ZDHHC2: variants seen among roughly 807,000 people sequenced by gnomAD.
The protein encoded by ZDHHC2 is zDHHC palmitoyltransferase 2.
ZDHHC2 carries 51 observed loss-of-function variants against 55.6 expected under a neutral mutation model. That is an observed-to-expected ratio of 0.92 (90% CI 0.73 to 1.16). The LOEUF (loss-of-function observed/expected upper bound fraction) is 1.16, where lower values mean the gene tolerates loss of function less well. Ranked by LOEUF, ZDHHC2 falls within the 50% of genes most tolerant of loss-of-function variation. ZDHHC2 has a pLI of 0.00. For missense variants in ZDHHC2, 491 were observed against 442.4 expected, an observed-to-expected ratio of 1.11 and a Z score of -0.99; for synonymous variants, 199 against 152.9, an observed-to-expected ratio of 1.30 and a Z score of -2.22.
At chr8:17,198,827 A>G (rs1056258987) in intron 6 of ZDHHC2, among the ~76,000 whole-genome samples, 1 of 152,252 alleles carries the variant, frequency 6.6e-6, no homozygotes, top group Non-Finnish European at 1.5e-5. Context: ...AGAATTTGAC[A>G]TTAAGGAGTA....
chr8:17,213,712 A>G (rs1248908616), intron 10 of ZDHHC2, among the ~76,000 whole-genome samples: 1 of 152,192 alleles, frequency 6.6e-6, no homozygotes, highest in African/African-American at 2.4e-5. Context: ...TGTTCAGTGA[A>G]TGGATTCTTG....
In ZDHHC2 at chr8:17,208,054, A is replaced by G. The variant is rs1585732000; in HGVS notation, c.692A>G (p.Tyr231Cys). The G allele has an allele frequency of 1.3e-6, 2 of 1,589,468 alleles. No homozygotes were observed. The highest frequency in any genetic ancestry group is 2.3e-5 in the East Asian group (1 of 44,114). ...FSVSLSSLFGYHCWLVSKNKS... is the reference protein window; with the variant it reads ...FSVSLSSLFGCHCWLVSKNKS... ...GTCAGCTTGTCTTCTCTGTTTGGCTATCATTGTTGGCTAGTCAGCAAAAAT... is the reference window on the plus strand; with the variant it reads ...GTCAGCTTGTCTTCTCTGTTTGGCTGTCATTGTTGGCTAGTCAGCAAAAAT... Residue 231 changes from tyrosine to cysteine, a missense_variant, in exon 8 of 13, where the codon TAT becomes TGT. Transcript: ENST00000262096.
At chr8:17,180,047 C>A (rs1457480425) in intron 1 of ZDHHC2, among the ~76,000 whole-genome samples, 1 of 152,158 alleles carries the variant, frequency 6.6e-6, no homozygotes, top group African/African-American at 2.4e-5. Context: ...ATGAATGGTG[C>A]CATCCACCAG....
chr8:17,215,786 G>C (rs7816865), intron 11 of ZDHHC2, among the ~76,000 whole-genome samples: 70,993 of 152,026 alleles, frequency 0.47, 18,832 homozygotes, highest in East Asian at 0.77. Context: ...TGTACCATAA[G>C]TTCAGCTGCC....
In ZDHHC2 at chr8:17,222,157, T is replaced by A. The variant is rs1807950945; in HGVS notation, c.*1936T>A. On this transcript the variant is annotated 3_prime_UTR_variant, in exon 13 of 13. Transcript: ENST00000262096. ...TCCCACAGTCTTTTATATAATTAAA[T>A]ATATGTCAATACACATTAGAATCAG... 1 of 151,692 alleles carries A rather than the reference T, an allele frequency of 6.6e-6. No individual in the cohort carries two copies. Among genetic ancestry groups the A allele is most frequent in the Non-Finnish European group, 1.5e-5 (1 of 67,748 alleles). The allele number at this position is 151,692 out of a possible 1,614,324, so 9.4% of individuals were successfully genotyped here.
At chr8:17,208,677 T>A (rs184085501) in intron 8 of ZDHHC2, among the ~76,000 whole-genome samples, 1 of 152,252 alleles carries the variant, frequency 6.6e-6, no homozygotes, top group African/African-American at 2.4e-5. Flanking sequence ...AAATGAAACA[T>A]TATGGAATTC....
At chr8:17,197,709 T>C in intron 5 of ZDHHC2, 58 bp downstream of exon 5, 11 of 1,504,332 alleles carry the variant, frequency 7.3e-6, no homozygotes, top group Non-Finnish European at 9.2e-6. Context: ...TTCTTCATTA[T>C]GTTTCTTTTC....
At chr8:17,219,135 A>G (rs1010119759) in intron 12 of ZDHHC2, among the ~76,000 whole-genome samples, 1 of 151,506 alleles carries the variant, frequency 6.6e-6, no homozygotes, top group African/African-American at 2.4e-5. Flanking sequence ...CTGTAATCCC[A>G]CCTACTCAGG....
chr8:17,174,777 C>T (rs538445786), intron 1 of ZDHHC2, among the ~76,000 whole-genome samples: 19 of 140,518 alleles, frequency 1.4e-4, no homozygotes, highest in African/African-American at 5.0e-4. Context: ...GTGGCACTAT[C>T]TCAGCTCACT....
intron 1 of ZDHHC2, among the ~76,000 whole-genome samples, chr8:17,178,794 C>T (rs1408972697): frequency 1.3e-5 from 2 of 152,164 alleles, no homozygotes; most frequent in Admixed American, 1.3e-4. Flanking sequence ...TTGACAGTCT[C>T]ACTCTTTAAC....
In ZDHHC2 at chr8:17,223,590, T is replaced by C. The variant is rs1808005711; in HGVS notation, c.*3369T>C. The C allele has an allele frequency of 1.3e-5, 2 of 151,876 alleles. No individual in the cohort carries two copies. Among genetic ancestry groups the C allele is most frequent in the South Asian group, 4.1e-4 (2 of 4,828 alleles). 9.4% of individuals were successfully genotyped at this position (151,876 alleles called of 1,614,324 possible). A position where few individuals can be genotyped will look rare whatever the true frequency, so the allele number is the denominator to read the frequency against. On this transcript the variant is annotated 3_prime_UTR_variant, in exon 13 of 13. Coordinates refer to ENST00000262096, the MANE Select transcript of ZDHHC2 (RefSeq NM_016353.5). ...ATGTTACATACCTGAAGTATTACTC[T>C]TTTACAAAGATACCATTAGAATTTT...
At chr8:17,172,756 T>A (rs1804924253) in intron 1 of ZDHHC2, among the ~76,000 whole-genome samples, 1 of 152,088 alleles carries the variant, frequency 6.6e-6, no homozygotes, top group Non-Finnish European at 1.5e-5. Flanking sequence ...GCCTGTGTAG[T>A]ACAAATTGGA....
At chr8:17,185,668 G>C (rs1441923841) in intron 2 of ZDHHC2, among the ~76,000 whole-genome samples, 2 of 151,814 alleles carry the variant, frequency 1.3e-5, no homozygotes, top group African/African-American at 4.8e-5. Context: ...TCAAAAAAAA[G>C]GAAAGAAAAG....
At chr8:17,183,607 C>T (rs1429298292) in intron 1 of ZDHHC2, among the ~76,000 whole-genome samples, 1 of 152,142 alleles carries the variant, frequency 6.6e-6, no homozygotes, top group Non-Finnish European at 1.5e-5. Flanking sequence ...ATCTGGAAAC[C>T]ATATATTAGT....
intron 3 of ZDHHC2, among the ~76,000 whole-genome samples, chr8:17,194,366 T>C (rs1488850150): frequency 6.7e-6 from 1 of 148,762 alleles, no homozygotes; most frequent in Non-Finnish European, 1.5e-5. Context: ...ATACAAAATA[T>C]ATAAGAACGT....
chr8:17,208,029 G>A lies in ZDHHC2; in HGVS notation c.667G>A (p.Val223Ile), dbSNP rs764205761. ...FLFFAAAMFS[V>I]SLSSLFGYHC... is the part of the protein sequence containing the mutation. ...ATTCTTTGCTGCAGCTATGTTTTCT[G>A]TCAGCTTGTCTTCTCTGTTTGGCTA... Residue 223 changes from valine to isoleucine, a missense_variant, in exon 8 of 13, where the codon GTC becomes ATC. Val to Ile is a conservative substitution (Grantham distance 29). Coordinates refer to ENST00000262096, the MANE Select transcript of ZDHHC2 (RefSeq NM_016353.5). 7 of 1,593,798 alleles carry A rather than the reference G, an allele frequency of 4.4e-6. No homozygotes were observed. Among genetic ancestry groups the A allele is most frequent in the Non-Finnish European group, 6.0e-6 (7 of 1,169,024 alleles).
chr8:17,176,759 G>C (rs933683085), intron 1 of ZDHHC2, among the ~76,000 whole-genome samples: 3 of 151,958 alleles, frequency 2.0e-5, no homozygotes, highest in Admixed American at 1.3e-4. Context: ...TGAGTTTGGA[G>C]AGAAAGGCAG....
intron 7 of ZDHHC2, among the ~76,000 whole-genome samples, chr8:17,207,668 T>C (rs1292869136): frequency 6.6e-6 from 1 of 152,186 alleles, no homozygotes; most frequent in African/African-American, 2.4e-5. Flanking sequence ...TCTTGCTTCG[T>C]ATTACAGTTT....
At chr8:17,172,025 G>A (rs1215953430) in intron 1 of ZDHHC2, among the ~76,000 whole-genome samples, 1 of 151,774 alleles carries the variant, frequency 6.6e-6, no homozygotes, top group Non-Finnish European at 1.5e-5. Context: ...CAGCTACTGT[G>A]GCGAACTATA....
Sources: gnomAD v4.1 joint callset for allele counts (sites outside exome capture counted in the v4.1 genomes callset) on GRCh38, gnomAD v4.1.1 for gene constraint, MANE v1.5 for transcripts, NCBI Gene and HGNC (gene_info 2026-07-23, HGNC 2026-07-21) for gene names.